ARV1: variants seen among roughly 807,000 people sequenced by gnomAD.
ARV1 encodes the protein protein ARV1.
In ARV1, 26 loss-of-function variants were observed where a neutral mutation model predicts 31.1. That is an observed-to-expected ratio of 0.84 (90% CI 0.61 to 1.16). The LOEUF is 1.16. Ranked by LOEUF, ARV1 falls within the 50% of genes most tolerant of loss-of-function variation. The pLI is 0.00. For synonymous variants in ARV1, 117 were observed against 123.2 expected (o/e 0.95, Z 0.34); for missense variants, 281 against 324.9 (o/e 0.86, Z 1.04).
chr1:230,987,729 C>A (rs1364635650), intron 1 of ARV1, among the ~76,000 whole-genome samples: 1 of 152,174 alleles, frequency 6.6e-6, no homozygotes, highest in Non-Finnish European at 1.5e-5. Context: ...CATTTTCTTT[C>A]CATATCCTTG....
At chr1:230,999,192 G>C (rs1040995294) in intron 5 of ARV1, among the ~76,000 whole-genome samples, 1 of 152,136 alleles carries the variant, frequency 6.6e-6, no homozygotes, top group African/African-American at 2.4e-5. Context: ...CTACCAGGAC[G>C]GTCCTGCCAT....
chr1:230,984,357 T>C (rs868107268), intron 1 of ARV1, among the ~76,000 whole-genome samples: 3 of 62,066 alleles, frequency 4.8e-5, no homozygotes, highest in Non-Finnish European at 6.8e-5. Flanking sequence ...TGTGTGTGTG[T>C]GTGTGCGTGT....
At chr1:230,980,552 G>T (rs918144358) in intron 1 of ARV1, among the ~76,000 whole-genome samples, 2 of 151,970 alleles carry the variant, frequency 1.3e-5, no homozygotes, top group African/African-American at 2.4e-5. Flanking sequence ...GACCAGGCTG[G>T]TCTTGAACTG....
chr1:230,990,475 G>A (rs954940955), intron 3 of ARV1: 111 of 530,540 alleles, frequency 2.1e-4, no homozygotes, highest in African/African-American at 2.1e-3. Flanking sequence ...ATATGGTATG[G>A]AAGTAGTTAT....
chr1:230,986,668 ATTTTTTTTTTTTTT>A (rs1162209283), intron 1 of ARV1, among the ~76,000 whole-genome samples: 952 of 62,244 alleles, frequency 0.015, 8 homozygotes, highest in Non-Finnish European at 0.018. Context: ...TACTTTTCCT[ATTTTTTTTTTTTTT>A]TTTTTTTTTT....
chr1:230,983,871 T>C (rs1476805577), intron 1 of ARV1, among the ~76,000 whole-genome samples: 1 of 152,238 alleles, frequency 6.6e-6, no homozygotes, highest in Non-Finnish European at 1.5e-5. Context: ...AAGATTTTTC[T>C]CTTTTCAGGA....
intron 4 of ARV1, 150 bp downstream of exon 4, chr1:230,996,134 T>C (rs1679360028): frequency 1.6e-6 from 1 of 639,080 alleles, no homozygotes; most frequent in Non-Finnish European, 2.7e-6. Context: ...TAGCACCTTA[T>C]ACATAGCAGG....
intron 1 of ARV1, among the ~76,000 whole-genome samples, chr1:230,982,906 G>A (rs34660248): frequency 0.22 from 33,894 of 151,808 alleles, 3,970 homozygotes; most frequent in East Asian, 0.4. Flanking sequence ...CTTCCCTGCC[G>A]AACTTGGAGT....
At chr1:230,994,447 T>G (rs1180002548) in intron 3 of ARV1, among the ~76,000 whole-genome samples, 1 of 152,232 alleles carries the variant, frequency 6.6e-6, no homozygotes, top group Non-Finnish European at 1.5e-5. Flanking sequence ...CTGAGTACAT[T>G]CTTGTAGCTG....
At chr1:230,991,049 A>G (rs1035533096) in intron 3 of ARV1, among the ~76,000 whole-genome samples, 1 of 152,192 alleles carries the variant, frequency 6.6e-6, no homozygotes, top group African/African-American at 2.4e-5. Flanking sequence ...ATCTGAGTGC[A>G]TGCAGGGAAT....
Position 230,995,863 on chromosome 1 carries a change from A to G in ARV1, c.552A>G (p.Leu184=). The G allele has an allele frequency of 6.2e-7, 1 of 1,614,118 alleles. No homozygotes were observed. Among genetic ancestry groups the G allele is most frequent in the African/African-American group, 1.3e-5 (1 of 75,046 alleles). ...TCATTTTGCTGCTGAAAGCATTATT[A>G]TTATCTAGCTACGGAAAACTCTTGC... ...PNFILLLKAL[L]LSSYGKLLLI... The change falls in exon 4 of 6, where the codon TTA becomes TTG. Residue 184 remains leucine (L), a synonymous_variant. Coordinates refer to ENST00000310256, the MANE Select transcript of ARV1 (RefSeq NM_022786.3).
chr1:230,988,526 A>G, intron 2 of ARV1, 87 bp downstream of exon 2: 1 of 1,185,766 alleles, frequency 8.4e-7, no homozygotes, highest in Non-Finnish European at 1.1e-6. Flanking sequence ...GAAGTAAAGA[A>G]TATTATAAAA....
intron 3 of ARV1, among the ~76,000 whole-genome samples, chr1:230,991,576 C>G (rs1440964565): frequency 6.6e-6 from 1 of 152,126 alleles, no homozygotes; most frequent in Admixed American, 6.6e-5. Flanking sequence ...TTCTTTGATA[C>G]CCCATAGTCA....
chr1:230,988,224 T>C, intron 1 of ARV1, 96 bp from the exon 2 acceptor site: 1 of 1,065,436 alleles, frequency 9.4e-7, no homozygotes, highest in Non-Finnish European at 1.4e-6. Flanking sequence ...GCCATATTGC[T>C]ATCTGTGTCC....
At chr1:230,984,910 T>C (rs1185799277) in intron 1 of ARV1, among the ~76,000 whole-genome samples, 1 of 152,178 alleles carries the variant, frequency 6.6e-6, no homozygotes, top group Non-Finnish European at 1.5e-5. Flanking sequence ...GTTAGTACCT[T>C]ATCAGTTAAT....
chr1:230,982,523 C>T (rs953977111), intron 1 of ARV1, among the ~76,000 whole-genome samples: 9 of 152,232 alleles, frequency 5.9e-5, no homozygotes, highest in Admixed American at 5.9e-4. Flanking sequence ...CACTTACCCC[C>T]TCCCCTTTGT....
intron 1 of ARV1, among the ~76,000 whole-genome samples, chr1:230,985,276 CTGTT>C (rs1364637163): frequency 6.6e-6 from 1 of 152,200 alleles, no homozygotes; most frequent in Non-Finnish European, 1.5e-5. Flanking sequence ...GCTGCCTCCT[CTGTT>C]TGATTTCATA....
At chr1:230,993,617 G>A (rs564319342) in intron 3 of ARV1, among the ~76,000 whole-genome samples, 5 of 152,102 alleles carry the variant, frequency 3.3e-5, no homozygotes, top group East Asian at 1.9e-4. Context: ...TATCTTGGCC[G>A]GGCGTGGTAC....
Position 230,979,285 on chromosome 1 carries a change from T to C in ARV1, c.174+6T>C. 6.2e-7 allele frequency: 1 copy of C among 1,612,590 alleles called. No individual in the cohort carries two copies. Among genetic ancestry groups the C allele is most frequent in the African/African-American group, 1.3e-5 (1 of 74,808 alleles). The stretch of plus-strand genomic sequence containing the variant: ...TGCTGAAGATAACCATCTGTGTGAG[T>C]TGTCAGGTGTGGGGTGCCCTTGAGA... On this transcript the variant is annotated splice_donor_region_variant and intron_variant, in intron 1 of 5. Transcript: ENST00000310256.
Sources: gnomAD v4.1 joint callset for allele counts (sites outside exome capture counted in the v4.1 genomes callset) on GRCh38, gnomAD v4.1.1 for gene constraint, MANE v1.5 for transcripts, NCBI Gene and HGNC (gene_info 2026-07-23, HGNC 2026-07-21) for gene names.